Variants in KCNG3 observed in about 807,000 individuals in gnomAD.
The protein encoded by KCNG3 is voltage-gated potassium channel regulatory subunit KCNG3.
A neutral mutation model predicts 29.0 loss-of-function variants in KCNG3; 15 were observed. The observed-to-expected ratio is 0.52, with a 90% CI of 0.35 to 0.80. KCNG3 has a LOEUF of 0.80. Among genes scored for constraint, KCNG3 ranks in the 30% least tolerant of loss-of-function variants. The pLI is 0.01. For synonymous variants in KCNG3, 322 were observed against 248.9 expected (o/e 1.29, Z -2.76); for missense variants, 512 against 605.7 (o/e 0.85, Z 1.62).
intron 1 of KCNG3, among the ~76,000 whole-genome samples, chr2:42,456,472 G>A (rs1048654892): frequency 3.3e-5 from 5 of 152,032 alleles, no homozygotes; most frequent in Non-Finnish European, 5.9e-5. Context: ...GGCCATGATC[G>A]CACCATATAT....
At chr2:42,484,112 G>A (rs1407273754) in intron 1 of KCNG3, among the ~76,000 whole-genome samples, 1 of 152,164 alleles carries the variant, frequency 6.6e-6, no homozygotes, top group Non-Finnish European at 1.5e-5. Context: ...GTATCATTAA[G>A]TAAAAAAGGC....
chr2:42,401,279 C>T, the KCNG3 span, among the ~76,000 whole-genome samples: 3 of 149,786 alleles, frequency 2.0e-5, no homozygotes, highest in African/African-American at 4.9e-5. Flanking sequence ...CATCCACACA[C>T]ATTTTAAAAA....
chr2:42,470,286 C>A, intron 1 of KCNG3: 2 of 344,040 alleles, frequency 5.8e-6, no homozygotes, highest in East Asian at 7.1e-5. Flanking sequence ...TGTACTCACG[C>A]AATAAAATAA....
chr2:42,417,108 T>C, the KCNG3 span, among the ~76,000 whole-genome samples: 1 of 151,988 alleles, frequency 6.6e-6, no homozygotes, highest in African/African-American at 2.4e-5. Flanking sequence ...CCAGGTGTGA[T>C]GGTGGGTGCC....
At chr2:42,448,421 T>G (rs1572842086) in intron 1 of KCNG3, among the ~76,000 whole-genome samples, 1 of 151,990 alleles carries the variant, frequency 6.6e-6, no homozygotes. Flanking sequence ...TGGTTCCTAA[T>G]TTTTTTCCCC....
the KCNG3 span, among the ~76,000 whole-genome samples, chr2:42,407,202 G>T: frequency 6.9e-6 from 1 of 145,550 alleles, no homozygotes; most frequent in Non-Finnish European, 1.5e-5. Context: ...TTTTGAGACG[G>T]AGTCTTGCTC....
chr2:42,452,371 C>G (rs1179013783), intron 1 of KCNG3, among the ~76,000 whole-genome samples: 2 of 151,216 alleles, frequency 1.3e-5, no homozygotes, highest in African/African-American at 4.9e-5. Flanking sequence ...TACAAACAAT[C>G]CAATTATACT....
Position 42,444,118 on chromosome 2 carries a change from T to C in KCNG3, c.1127A>G (p.Tyr376Cys), listed in dbSNP as rs759526563. 4 of 1,614,040 alleles carry C rather than the reference T, an allele frequency of 2.5e-6. No individual in the cohort carries two copies. Among genetic ancestry groups the C allele is most frequent in the African/African-American group, 1.3e-5 (1 of 74,910 alleles). ...WVIISMTTVG[Y>C]GDMYPITVPG... Reference sequence around the variant, plus strand: ...CACTGTGATAGGATACATATCTCCATAGCCAACTGTAGTCATAGAGATAAT... The same window carrying C: ...CACTGTGATAGGATACATATCTCCACAGCCAACTGTAGTCATAGAGATAAT... The change falls in exon 2 of 2, where the codon TAT becomes TGT. Residue 376 changes from tyrosine to cysteine, a missense_variant. Physicochemically the swap from Tyr to Cys is radical, Grantham distance 194. Transcript: ENST00000306078. The surrounding 1 kb of genome is among the most constrained non-coding windows in gnomAD (Gnocchi z 5.8).
At chr2:42,411,359 A>T in the KCNG3 span, among the ~76,000 whole-genome samples, 4 of 152,230 alleles carry the variant, frequency 2.6e-5, no homozygotes, top group African/African-American at 9.6e-5. Flanking sequence ...AAATTAAGTT[A>T]GAGAACTGAA....
intron 1 of KCNG3, among the ~76,000 whole-genome samples, chr2:42,481,907 T>G (rs1446618973): frequency 1.3e-5 from 2 of 152,184 alleles, no homozygotes; most frequent in East Asian, 3.8e-4. Flanking sequence ...CACCCCTTAT[T>G]CTGACTTATT....
At chr2:42,478,186 G>C (rs1242400936) in intron 1 of KCNG3, among the ~76,000 whole-genome samples, 3 of 152,074 alleles carry the variant, frequency 2.0e-5, no homozygotes, top group Non-Finnish European at 4.4e-5. Context: ...ATCTAAAGGA[G>C]CTTTTGTTTT....
At chr2:42,445,174 AT>A (rs545823798) in intron 1 of KCNG3, among the ~76,000 whole-genome samples, 52 of 152,190 alleles carry the variant, frequency 3.4e-4, no homozygotes, top group Admixed American at 2.0e-3. Context: ...CTTTTAAAAA[AT>A]ATCTCTCTTA....
chr2:42,418,270 T>C, the KCNG3 span, among the ~76,000 whole-genome samples: 2 of 152,214 alleles, frequency 1.3e-5, no homozygotes, highest in Admixed American at 1.3e-4. Context: ...TGTTGTAGCA[T>C]GTAGAATTTC....
Position 42,444,576 on chromosome 2 carries a change from T to A in KCNG3, c.669A>T (p.Ile223=), listed in dbSNP as rs1482624645. ...SAGPGREPSG[I]IEAICIGWFT... ...ACCAACCTATGCAGATAGCTTCAAT[T>A]ATCCTGTCAAGAGAACAAAAGAAGA... The change falls in exon 2 of 2, where the codon ATA becomes ATT. Residue 223 remains isoleucine (I), a synonymous_variant. Coordinates refer to ENST00000306078, the MANE Select transcript of KCNG3 (RefSeq NM_133329.6). The surrounding 1 kb of genome is among the most constrained non-coding windows in gnomAD (Gnocchi z 5.8). The A allele has an allele frequency of 6.2e-7, 1 of 1,600,596 alleles. No homozygotes were observed. The highest frequency in any genetic ancestry group is 2.2e-5 in the East Asian group (1 of 44,752).
chr2:42,406,796 C>T, the KCNG3 span, among the ~76,000 whole-genome samples: 1 of 147,874 alleles, frequency 6.8e-6, no homozygotes, highest in Non-Finnish European at 1.5e-5. Context: ...CACTGCACTC[C>T]AGCCTGGGTG....
intron 1 of KCNG3, among the ~76,000 whole-genome samples, chr2:42,451,618 A>C (rs1291514949): frequency 2.0e-5 from 3 of 151,976 alleles, no homozygotes. Context: ...CCAGCTACTC[A>C]GGAGGCTGAA....
chr2:42,451,204 CAAAAAAAAAAAAAA>C (rs67651134), intron 1 of KCNG3, among the ~76,000 whole-genome samples: 3 of 61,010 alleles, frequency 4.9e-5, no homozygotes, highest in Admixed American at 2.5e-4. Context: ...GACTCCAACT[CAAAAAAAAAAAAAA>C]AAAAAAAAAA....
At chr2:42,419,215 ATC>A in the KCNG3 span, among the ~76,000 whole-genome samples, 55 of 58,858 alleles carry the variant, frequency 9.3e-4, no homozygotes, top group Non-Finnish European at 1.5e-3. Context: ...CTCAGATGGT[ATC>A]TCTTTTTTTT....
In KCNG3 at chr2:42,479,044, A is replaced by G. The variant is rs938246879; in HGVS notation, c.665+13793T>C. ...CGAAATCCAAAATACTCCAATGAGC[A>G]TTTCCTTTGAGCATCATGTCAGCAC... On this transcript the variant is annotated intron_variant, in intron 1 of 1. Transcript: ENST00000306078. Among the ~76,000 whole-genome samples the G allele has an allele frequency of 2.0e-5, 3 of 150,594 alleles. No homozygotes were observed. In the Admixed American group the frequency reaches 2.0e-4, roughly 10 times the overall value.
Sources: gnomAD v4.1 joint callset for allele counts (sites outside exome capture counted in the v4.1 genomes callset) on GRCh38, gnomAD v4.1.1 for gene constraint, Gnocchi (gnomAD v3.1) non-coding constraint, MANE v1.5 for transcripts, NCBI Gene and HGNC (gene_info 2026-07-23, HGNC 2026-07-21) for gene names.